RANBP2: variants seen among roughly 807,000 people sequenced by gnomAD.
RANBP2 encodes E3 SUMO-protein ligase RanBP2.
Under a neutral mutation model 303.6 loss-of-function variants are expected in RANBP2, and 57 were observed. That is an observed-to-expected ratio of 0.19 (90% CI 0.15 to 0.23). The LOEUF (loss-of-function observed/expected upper bound fraction) is 0.23, where lower values mean the gene tolerates loss of function less well. RANBP2 is among the 10% of genes least tolerant of loss of function. RANBP2 has a pLI of 1.00. For missense variants in RANBP2, 3,138 were observed against 3,780.8 expected (o/e 0.83, Z 4.46); for synonymous variants, 1,167 against 1,301.5 (o/e 0.90, Z 2.23).
the RANBP2 span, among the ~76,000 whole-genome samples, chr2:109,341,586 C>T: frequency 6.6e-6 from 1 of 152,174 alleles, no homozygotes; most frequent in African/African-American, 2.4e-5. Flanking sequence ...AATGTGTTGG[C>T]TCAGATAAGA....
chr2:109,318,165 T>C, the RANBP2 span, among the ~76,000 whole-genome samples: 1 of 151,760 alleles, frequency 6.6e-6, no homozygotes, highest in African/African-American at 2.4e-5. Flanking sequence ...TAGAAATCCT[T>C]GCCTAATTTC....
the RANBP2 span, among the ~76,000 whole-genome samples, chr2:109,119,806 G>A: frequency 3.2e-4 from 49 of 152,232 alleles, 1 homozygote; most frequent in South Asian, 7.1e-3. Flanking sequence ...AAATATTTTC[G>A]TCACAGTGCT....
the RANBP2 span, among the ~76,000 whole-genome samples, chr2:108,913,115 A>AT: frequency 1.3e-5 from 2 of 151,370 alleles, no homozygotes; most frequent in Admixed American, 6.6e-5. Context: ...CACCTGGCTA[A>AT]TTTTTTTGTA....
chr2:109,665,425 C>G, the RANBP2 span: 2 of 151,140 alleles, frequency 1.3e-5, no homozygotes, highest in African/African-American at 4.9e-5. Context: ...TCACCACAAC[C>G]TCCACCTCTG....
the RANBP2 span, among the ~76,000 whole-genome samples, chr2:108,814,700 A>C: frequency 1.4e-5 from 2 of 145,194 alleles, no homozygotes; most frequent in African/African-American, 5.1e-5. Flanking sequence ...ATGGGGTCTC[A>C]CTCTGTCACC....
chr2:109,090,865 C>G, the RANBP2 span, among the ~76,000 whole-genome samples: 1 of 152,120 alleles, frequency 6.6e-6, no homozygotes, highest in East Asian at 1.9e-4. Context: ...TGATTTCCAT[C>G]CTCTACTCAA....
chr2:109,030,838 T>C, the RANBP2 span, among the ~76,000 whole-genome samples: 114 of 152,310 alleles, frequency 7.5e-4, no homozygotes, highest in African/African-American at 2.5e-3. Context: ...TCCTTCTGCC[T>C]CGGCCTCCAG....
chr2:109,371,057 C>CA, the RANBP2 span, among the ~76,000 whole-genome samples: 1 of 152,186 alleles, frequency 6.6e-6, no homozygotes, highest in Non-Finnish European at 1.5e-5. Flanking sequence ...GCCAGGCTTT[C>CA]CCATATGGGG....
chr2:108,872,623 G>A, the RANBP2 span, among the ~76,000 whole-genome samples: 3 of 152,066 alleles, frequency 2.0e-5, no homozygotes, highest in African/African-American at 4.8e-5. Flanking sequence ...CATCTTGCGA[G>A]GGCTTCTTGT....
chr2:108,750,005 C>G (rs374402161), intron 9 of RANBP2, among the ~76,000 whole-genome samples: 1 of 152,132 alleles, frequency 6.6e-6, no homozygotes, highest in Non-Finnish European at 1.5e-5. Flanking sequence ...CAAAAATTAT[C>G]CGGGGGTGGT....
the RANBP2 span, among the ~76,000 whole-genome samples, chr2:108,850,018 T>A: frequency 4.6e-5 from 7 of 152,198 alleles, no homozygotes; most frequent in Admixed American, 4.6e-4. Flanking sequence ...GGGGCCTTTG[T>A]CCTGGCCAAA....
the RANBP2 span, among the ~76,000 whole-genome samples, chr2:109,249,245 C>T: frequency 1.3e-5 from 2 of 152,210 alleles, no homozygotes; most frequent in Admixed American, 1.3e-4. Flanking sequence ...GTTCTTTCTT[C>T]AGGTTTCTGT....
the RANBP2 span, among the ~76,000 whole-genome samples, chr2:109,579,210 T>G: frequency 1.3e-5 from 2 of 152,192 alleles, no homozygotes; most frequent in African/African-American, 4.8e-5. Flanking sequence ...AAATTATAAC[T>G]TACAAAACTG....
the RANBP2 span, among the ~76,000 whole-genome samples, chr2:109,168,270 A>G: frequency 1.3e-5 from 2 of 152,150 alleles, no homozygotes; most frequent in African/African-American, 4.8e-5. Flanking sequence ...ATGGGGTCTG[A>G]CTGTTGGGAA....
the RANBP2 span, among the ~76,000 whole-genome samples, chr2:109,516,505 G>C: frequency 6.6e-6 from 1 of 152,246 alleles, no homozygotes; most frequent in African/African-American, 2.4e-5. Context: ...TGGCCACCGG[G>C]TCACAGAGAG....
chr2:109,146,443 G>A, the RANBP2 span, among the ~76,000 whole-genome samples: 2 of 152,094 alleles, frequency 1.3e-5, no homozygotes, highest in Non-Finnish European at 2.9e-5. Flanking sequence ...CATCAATTCC[G>A]TGCCAAGAGG....
the RANBP2 span, among the ~76,000 whole-genome samples, chr2:109,358,659 GT>G: frequency 1.3e-5 from 2 of 152,264 alleles, no homozygotes; most frequent in East Asian, 3.9e-4. Context: ...AGTTTTAAGA[GT>G]TTTTTGTGTA....
the RANBP2 span, among the ~76,000 whole-genome samples, chr2:109,225,366 G>C: frequency 6.6e-6 from 1 of 152,194 alleles, no homozygotes; most frequent in Non-Finnish European, 1.5e-5. Flanking sequence ...GTGGGTTTCC[G>C]GGCTCCGCTT....
chr2:108,756,534 T>C (rs1040729416), intron 17 of RANBP2, among the ~76,000 whole-genome samples: 3 of 152,204 alleles, frequency 2.0e-5, no homozygotes, highest in African/African-American at 7.2e-5. Flanking sequence ...TACTGTGTGG[T>C]GGGGAAGACA....
Sources: gnomAD v4.1 joint callset for allele counts (sites outside exome capture counted in the v4.1 genomes callset) on GRCh38, gnomAD v4.1.1 for gene constraint, MANE v1.5 for transcripts, NCBI Gene and HGNC (gene_info 2026-07-23, HGNC 2026-07-21) for gene names.